PLXNB3: variants seen among roughly 807,000 people sequenced by gnomAD.
The protein encoded by PLXNB3 is plexin-B3.
Under a neutral mutation model 125.7 loss-of-function variants are expected in PLXNB3, and 80 were observed. The observed-to-expected ratio is 0.64, with a 90% confidence interval of 0.53 to 0.77. The LOEUF is 0.77. Among genes scored for constraint, PLXNB3 ranks in the 30% least tolerant of loss-of-function variants. The probability of loss-of-function intolerance (pLI) is 0.00; values close to 1 mark genes in which losing one functional copy is unlikely to be tolerated. For missense variants in PLXNB3, 1,836 were observed against 1,729.3 expected, an observed-to-expected ratio of 1.06 and a Z score of -1.09; for synonymous variants, 954 against 783.3, an observed-to-expected ratio of 1.22 and a Z score of -3.64.
In PLXNB3 at chrX:153,776,929, C is replaced by T. The variant is rs782507457; in HGVS notation, c.4876C>T (p.Arg1626Cys). Residue 1626 changes from arginine to cysteine, a missense_variant, in exon 29 of 36, where the codon CGT (arginine) becomes TGT (cysteine). Transcript: ENST00000361971. Reference sequence around the variant, plus strand: ...AGTGGGGCTCGTCCCTCAGCTGCACCGTGGCAGCACCATCTCCCAGAGCCT... The same window carrying T: ...AGTGGGGCTCGTCCCTCAGCTGCACTGTGGCAGCACCATCTCCCAGAGCCT... ...ATVGLVPQLH[R>C]GSTISQSLAQ... The T allele has an allele frequency of 1.0e-5, 12 of 1,199,406 alleles. No homozygotes were observed. The highest frequency in any genetic ancestry group is 9.0e-5 in the East Asian group (3 of 33,501).
At chrX:153,769,710 C>T in intron 6 of PLXNB3, 97 bp from the exon 7 acceptor site, 2 of 929,954 alleles carry the variant, frequency 2.2e-6, no homozygotes, top group African/African-American at 1.9e-5. Flanking sequence ...TTGCACCCCA[C>T]TGCACTCCAG....
In PLXNB3 at chrX:153,774,245, C is replaced by A; in HGVS notation, c.3579C>A (p.Gly1193=). The A allele has an allele frequency of 2.5e-6, 3 of 1,195,648 alleles. No individual in the cohort carries two copies. Among genetic ancestry groups the A allele is most frequent in the African/African-American group, 3.5e-5 (2 of 57,915 alleles). The change falls in exon 21 of 36, where the codon GGC becomes GGA. Residue 1193 remains glycine, a synonymous_variant. Transcript: ENST00000361971. ...AGGTGCGCGTGCACATCGGCCGCGG[C>A]GAGTGCCTGGTGAAGACGCTCACGC... ...KEEVRVHIGR[G]ECLVKTLTRT... is the part of the protein sequence containing the mutation.
intron 26 of PLXNB3, 51 bp from the exon 27 acceptor site, chrX:153,775,836 A>G: frequency 1.7e-6 from 2 of 1,151,948 alleles, no homozygotes; most frequent in Admixed American, 2.3e-5. Flanking sequence ...GAGAAGGGCT[A>G]TCATCAATCC....
chrX:153,773,475 G>A (rs1557062733), intron 18 of PLXNB3, 43 bp from the exon 19 acceptor site: 2 of 1,182,132 alleles, frequency 1.7e-6, no homozygotes, highest in Admixed American at 2.3e-5. Flanking sequence ...GCTGGGCTAT[G>A]TTGCCCACCG....
At position 153,770,515 on chromosome X, in the gene PLXNB3, C is replaced by A. The variant is rs1166059133; in HGVS notation, c.1896-13C>A. The A allele has an allele frequency of 8.3e-6, 10 of 1,207,687 alleles. No individual in the cohort carries two copies. Among genetic ancestry groups the A allele is most frequent in the Non-Finnish European group, 1.0e-5 (9 of 893,478 alleles). On this transcript the variant is annotated splice_polypyrimidine_tract_variant and intron_variant, in intron 9 of 35. Coordinates refer to ENST00000361971, the MANE Select transcript of PLXNB3 (RefSeq NM_005393.3). Reference sequence around the variant, plus strand: ...AGAGGGCACTCAGTTGAGCAGCCACCCTGCCCCTCTAGGTGTCGCGCTTGC... The same window carrying A: ...AGAGGGCACTCAGTTGAGCAGCCACACTGCCCCTCTAGGTGTCGCGCTTGC...
In PLXNB3 at chrX:153,773,072, G is replaced by C. The variant is rs983584657; in HGVS notation, c.2906+56G>C. On this transcript the variant is annotated intron_variant, in intron 17 of 35. Transcript: ENST00000361971. ...TGGGCACTCCCATAGGCCTCAGTGG[G>C]GGTGGTACATTTAGAGAAGTGGTTG... 3.2e-4 allele frequency: 360 copies of C among 1,111,711 alleles called. 1 individual carries two copies. In the African/African-American group the frequency reaches 5.3e-3, roughly 16 times the overall value. 91.6% of individuals were successfully genotyped at this position (1,111,711 alleles called of 1,213,427 possible).
Position 153,777,944 on chromosome X carries a change from C to T in PLXNB3, c.5262-4C>T. 8.3e-7 allele frequency: 1 copy of T among 1,205,311 alleles called. No individual in the cohort carries two copies. Among genetic ancestry groups the T allele is most frequent in the Non-Finnish European group, 1.1e-6 (1 of 891,687 alleles). On this transcript the variant is annotated splice_region_variant and splice_polypyrimidine_tract_variant and intron_variant, in intron 31 of 35. Coordinates refer to ENST00000361971, the MANE Select transcript of PLXNB3 (RefSeq NM_005393.3). Reference sequence around the variant, plus strand: ...TCACGCCCACGCCTGCCCTGCGCCCCCAGTCTGCTGCTGCGGTTCTGGGTG... The same window carrying T: ...TCACGCCCACGCCTGCCCTGCGCCCTCAGTCTGCTGCTGCGGTTCTGGGTG...
chrX:153,768,923 G>A, intron 4 of PLXNB3, 25 bp from the exon 5 acceptor site: 1 of 1,204,972 alleles, frequency 8.3e-7, no homozygotes, highest in East Asian at 3.0e-5. Flanking sequence ...ATCTGGCCCA[G>A]CCTCGTCCTT....
chrX:153,766,179 A>T, intron 2 of PLXNB3: 1 of 1,134,658 alleles, frequency 8.8e-7, no homozygotes, highest in Non-Finnish European at 1.2e-6. Flanking sequence ...GCCTTGCCCC[A>T]GTGCTTCCTC....
intron 16 of PLXNB3, chrX:153,772,622 T>C (rs782134928): frequency 1.2e-6 from 1 of 855,198 alleles, no homozygotes; most frequent in East Asian, 4.1e-5. Flanking sequence ...TAAGCTGTGG[T>C]GGGGAGGAGG....
rs782398346 is a variant in PLXNB3, at chrX:153,777,620, T to C, written c.5193T>C (p.Leu1731=). ...TCGCCGTCAAGTACCTGTTTGACCT[T>C]CTGGATGAGCTAGCAGAGAAGCACG... The part of the protein sequence containing the change: ...IPIAVKYLFD[L]LDELAEKHGI... Residue 1731 remains leucine (L), a synonymous_variant, in exon 31 of 36, where the codon CTT becomes CTC. Transcript: ENST00000361971. 1.7e-6 allele frequency: 2 copies of C among 1,210,363 alleles called. No individual in the cohort carries two copies.
rs2092011773 is a variant in PLXNB3 at position 153,777,632 on chromosome X, A to G, written c.5205A>G (p.Leu1735=). ...VKYLFDLLDE[L]AEKHGIEDPG... is the part of the protein sequence containing the mutation. Reference sequence around the variant, plus strand: ...ACCTGTTTGACCTTCTGGATGAGCTAGCAGAGAAGCACGGCATCGAGGACC... The same window carrying G: ...ACCTGTTTGACCTTCTGGATGAGCTGGCAGAGAAGCACGGCATCGAGGACC... The change falls in exon 31 of 36, where the codon CTA becomes CTG. Residue 1735 remains leucine, a synonymous_variant. Coordinates refer to ENST00000361971, the MANE Select transcript of PLXNB3 (RefSeq NM_005393.3). The G allele has an allele frequency of 1.7e-6, 2 of 1,211,782 alleles. No individual in the cohort carries two copies. Among genetic ancestry groups the G allele is most frequent in the Non-Finnish European group, 2.2e-6 (2 of 895,381 alleles).
intron 1 of PLXNB3, among the ~76,000 whole-genome samples, chrX:153,764,963 G>C (rs782225518): frequency 8.8e-6 from 1 of 113,140 alleles, no homozygotes; most frequent in South Asian, 3.6e-4. Context: ...TGGGCTGGGG[G>C]TGTGGAGGAA....
intron 12 of PLXNB3, 106 bp from the exon 13 acceptor site, chrX:153,771,204 G>A (rs2091925508): frequency 4.4e-6 from 4 of 917,287 alleles, no homozygotes; most frequent in Non-Finnish European, 6.3e-6. Context: ...AGTCTTGGGG[G>A]AGAGGCAGGG....
intron 6 of PLXNB3, 33 bp downstream of exon 6, chrX:153,769,295 A>G: frequency 9.3e-7 from 1 of 1,076,593 alleles, no homozygotes; most frequent in East Asian, 3.3e-5. Flanking sequence ...GGCTAGGGCC[A>G]ACGGGTGGTG....
intron 1 of PLXNB3, among the ~76,000 whole-genome samples, chrX:153,764,719 G>A (rs2091838490): frequency 8.9e-6 from 1 of 112,742 alleles, no homozygotes; most frequent in Middle Eastern, 4.6e-3. Flanking sequence ...TGTGCCACTG[G>A]CCAGGGTGGC....
Position 153,767,275 on chromosome X carries a change from G to A in PLXNB3, c.448G>A (p.Glu150Lys), listed in dbSNP as rs781839611. 10 of 1,205,302 alleles carry A rather than the reference G, an allele frequency of 8.3e-6. No individual in the cohort carries two copies. The Admixed American group carries it at 1.1e-4, about 13-fold the overall frequency. Reference sequence around the variant, plus strand: ...GACACGGCGCCTTGGGGATGTGGCCGAGGTGCTGTACCAGGCTGAGGACCC... The same window carrying A: ...GACACGGCGCCTTGGGGATGTGGCCAAGGTGCTGTACCAGGCTGAGGACCC... Reference protein sequence around the residue: ...CETRRLGDVAEVLYQAEDPGD... With the variant: ...CETRRLGDVAKVLYQAEDPGD... The change falls in exon 3 of 36, where the codon GAG (glutamate) becomes AAG (lysine). Residue 150 changes from glutamate to lysine, a missense_variant. Glu to Lys is a moderately conservative substitution (Grantham distance 56). Transcript: ENST00000361971.
In PLXNB3 at chrX:153,770,442, G is replaced by A. The variant is rs781950083; in HGVS notation, c.1891G>A (p.Ala631Thr). The change falls in exon 9 of 36, where the codon GCC becomes ACC. Residue 631 changes from alanine (A) to threonine (T), a missense_variant. Physicochemically the swap from Ala to Thr is moderately conservative, Grantham distance 58. Coordinates refer to ENST00000361971, the MANE Select transcript of PLXNB3 (RefSeq NM_005393.3). ...TGCCGTCCAGGCCTTGGAGGCGGCTGCCCCGTGAGTCCCTGGGCCTGCCTC... is the reference window on the plus strand; with the variant it reads ...TGCCGTCCAGGCCTTGGAGGCGGCTACCCCGTGAGTCCCTGGGCCTGCCTC... ...CSAVQALEAA[A>T]PCRACVGSIW... The A allele has an allele frequency of 2.1e-5, 25 of 1,205,648 alleles. No individual in the cohort carries two copies. In the East Asian group the frequency reaches 5.9e-4, roughly 29 times the overall value.
chrX:153,771,111 C>T (rs1557061699), intron 12 of PLXNB3, 30 bp downstream of exon 12: 2 of 1,137,041 alleles, frequency 1.8e-6, no homozygotes, highest in Non-Finnish European at 2.4e-6. Context: ...ACCCTCTTGC[C>T]CCCAAGCTTC....
Sources: allele counts gnomAD v4.1 joint callset (sites outside exome capture counted in the v4.1 genomes callset), GRCh38; gene constraint gnomAD v4.1.1; transcripts MANE v1.5; gene names NCBI Gene and HGNC (gene_info 2026-07-23, HGNC 2026-07-21).